The following RIMS2 variants were observed in gnomAD, a reference collection of about 807,000 sequenced individuals.
RIMS2 encodes the protein regulating synaptic membrane exocytosis protein 2.
RIMS2 carries 59 observed loss-of-function variants against 174.4 expected under a neutral mutation model. That is an observed-to-expected ratio of 0.34 (90% CI 0.27 to 0.42). The LOEUF (loss-of-function observed/expected upper bound fraction) is 0.42, where lower values mean the gene tolerates loss of function less well. RIMS2 is among the 10% of genes least tolerant of loss of function. The pLI is 1.00. For missense variants in RIMS2, 1,620 were observed against 1,666.3 expected (o/e 0.97, Z 0.48); for synonymous variants, 606 against 572.5 (o/e 1.06, Z -0.84).
intron 2 of RIMS2, among the ~76,000 whole-genome samples, chr8:103,737,404 C>T (rs1468111069): frequency 6.6e-6 from 1 of 151,856 alleles, no homozygotes; most frequent in African/African-American, 2.4e-5. Context: ...CCAGGCTTGT[C>T]TCAAACTCCC....
At chr8:104,151,797 C>A (rs1420511293) in intron 19 of RIMS2, among the ~76,000 whole-genome samples, 1 of 151,838 alleles carries the variant, frequency 6.6e-6, no homozygotes, top group Non-Finnish European at 1.5e-5. Flanking sequence ...CTGAAATTGC[C>A]CAAGAAGAAT....
intron 19 of RIMS2, among the ~76,000 whole-genome samples, chr8:104,132,995 T>G (rs1320405988): frequency 6.6e-6 from 1 of 152,204 alleles, no homozygotes. Flanking sequence ...GGTTAAAGTG[T>G]GGCAACCCCT....
At chr8:104,025,973 A>T (rs192459573) in intron 19 of RIMS2, among the ~76,000 whole-genome samples, 1 of 150,888 alleles carries the variant, frequency 6.6e-6, no homozygotes, top group East Asian at 1.9e-4. Context: ...AGGCTACCCC[A>T]TCTAGGTTTG....
At chr8:104,150,217 T>A (rs895734342) in intron 19 of RIMS2, among the ~76,000 whole-genome samples, 10 of 152,204 alleles carry the variant, frequency 6.6e-5, no homozygotes, top group Non-Finnish European at 2.9e-5. Context: ...TAATTTTTTT[T>A]AAATTAGGAA....
intron 1 of RIMS2, chr8:103,568,538 C>A: frequency 2.4e-6 from 1 of 425,148 alleles, no homozygotes; most frequent in South Asian, 2.3e-5. Context: ...ACATAGTATT[C>A]ACTGGTGCTA....
intron 2 of RIMS2, among the ~76,000 whole-genome samples, chr8:103,720,055 G>T (rs1424967075): frequency 6.6e-5 from 10 of 152,042 alleles, no homozygotes; most frequent in Admixed American, 5.9e-4. Context: ...GTTACTAATG[G>T]TCATGATTAT....
intron 1 of RIMS2, among the ~76,000 whole-genome samples, chr8:103,618,956 A>G (rs1201416179): frequency 1.3e-5 from 2 of 152,130 alleles, no homozygotes; most frequent in Non-Finnish European, 2.9e-5. Context: ...TAGAACAGAT[A>G]AAGAGAGGCA....
intron 4 of RIMS2, among the ~76,000 whole-genome samples, chr8:103,889,091 A>AT (rs2099225866): frequency 1.3e-5 from 2 of 151,722 alleles, no homozygotes; most frequent in East Asian, 1.9e-4. Flanking sequence ...TTATAGTAGC[A>AT]TTTTTTTATT....
At chr8:103,513,351 G>A (rs1827484349) in intron 1 of RIMS2, among the ~76,000 whole-genome samples, 1 of 152,142 alleles carries the variant, frequency 6.6e-6, no homozygotes. Flanking sequence ...TTAACTTCCT[G>A]CATTCTATAA....
chr8:103,586,068 A>T (rs967611404), intron 1 of RIMS2, among the ~76,000 whole-genome samples: 1 of 152,180 alleles, frequency 6.6e-6, no homozygotes, highest in East Asian at 1.9e-4. Context: ...ATCTATATGC[A>T]TCAAAAACTG....
At chr8:103,538,850 A>G (rs1841158786) in intron 1 of RIMS2, among the ~76,000 whole-genome samples, 1 of 152,164 alleles carries the variant, frequency 6.6e-6, no homozygotes, top group East Asian at 1.9e-4. Context: ...CTCATAGCTT[A>G]GCTCCCACAT....
intron 3 of RIMS2, among the ~76,000 whole-genome samples, chr8:103,883,681 G>T (rs2099182215): frequency 6.6e-6 from 1 of 151,676 alleles, no homozygotes; most frequent in Non-Finnish European, 1.5e-5. Flanking sequence ...TTCCTTTATA[G>T]TTCCAGGTTA....
intron 17 of RIMS2, among the ~76,000 whole-genome samples, chr8:104,008,491 G>GTGTA (rs1158567719): frequency 4.0e-5 from 6 of 151,180 alleles, no homozygotes; most frequent in Non-Finnish European, 8.9e-5. Flanking sequence ...ATGTTTGTGT[G>GTGTA]TGTGTGTGTG....
intron 14 of RIMS2, among the ~76,000 whole-genome samples, chr8:103,960,565 TTCTC>T (rs1204981390): frequency 4.6e-5 from 7 of 152,168 alleles, no homozygotes; most frequent in Non-Finnish European, 7.4e-5. Context: ...GAATTATACT[TTCTC>T]TCCATGAGCA....
chr8:104,055,269 G>A (rs972759747), intron 19 of RIMS2, among the ~76,000 whole-genome samples: 2 of 151,860 alleles, frequency 1.3e-5, no homozygotes, highest in Non-Finnish European at 2.9e-5. Flanking sequence ...ATTTTATTTA[G>A]TTCATAAATT....
intron 3 of RIMS2, among the ~76,000 whole-genome samples, chr8:103,852,677 A>G (rs1323595062): frequency 6.6e-6 from 1 of 151,990 alleles, no homozygotes; most frequent in African/African-American, 2.4e-5. Flanking sequence ...CTGTTCCTGC[A>G]TTAATTTGCT....
chr8:104,116,156 A>G (rs1354800197), intron 19 of RIMS2, among the ~76,000 whole-genome samples: 1 of 152,206 alleles, frequency 6.6e-6, no homozygotes, highest in African/African-American at 2.4e-5. Context: ...TATTCCTGTT[A>G]ATGAAGGTTT....
intron 19 of RIMS2, among the ~76,000 whole-genome samples, chr8:104,099,327 C>G (rs1001159544): frequency 6.6e-6 from 1 of 152,158 alleles, no homozygotes; most frequent in Non-Finnish European, 1.5e-5. Context: ...ATGGGCTGTG[C>G]TCCTCCACCA....
intron 18 of RIMS2, among the ~76,000 whole-genome samples, chr8:104,014,286 T>G (rs1213053280): frequency 6.6e-6 from 1 of 152,188 alleles, no homozygotes; most frequent in Non-Finnish European, 1.5e-5. Flanking sequence ...TAGGGTTTTG[T>G]GTGCATGTAT....
Sources: allele counts gnomAD v4.1 joint callset (sites outside exome capture counted in the v4.1 genomes callset), GRCh38; gene constraint gnomAD v4.1.1; transcripts MANE v1.5; gene names NCBI Gene and HGNC (gene_info 2026-07-23, HGNC 2026-07-21).